Variants in SH3KBP1 observed in about 807,000 individuals in gnomAD.
SH3KBP1 encodes SH3 domain containing kinase binding protein 1, also known as SH3 domain-containing kinase-binding protein 1.
Under a neutral mutation model 50.1 loss-of-function variants are expected in SH3KBP1, and 8 were observed. That is an observed-to-expected ratio of 0.16 (90% CI 0.09 to 0.29). SH3KBP1 has a LOEUF of 0.29. Ranked by LOEUF, SH3KBP1 falls within the 10% of genes least tolerant of loss-of-function variation. The pLI is 1.00. For synonymous variants in SH3KBP1, 227 were observed against 218.6 expected (o/e 1.04, Z -0.34); for missense variants, 377 against 535.2 (o/e 0.70, Z 2.92).
At chrX:19,545,409 A>C (rs1038940431) in intron 15 of SH3KBP1, among the ~76,000 whole-genome samples, 4 of 112,440 alleles carry the variant, frequency 3.6e-5, no homozygotes, top group African/African-American at 1.3e-4. Context: ...CATGGAATAA[A>C]ATTAAAGTGT....
At chrX:19,782,478 C>T (rs190100496) in intron 2 of SH3KBP1, among the ~76,000 whole-genome samples, 1 of 111,883 alleles carries the variant, frequency 8.9e-6, no homozygotes, top group Non-Finnish European at 1.9e-5. Context: ...CCAGGAGCTC[C>T]ACTCAGATCC....
chrX:19,788,156 C>T lies in SH3KBP1; in HGVS notation c.163-41715G>A, dbSNP rs775847444. Among the ~76,000 whole-genome samples the T allele has an allele frequency of 3.2e-4, 34 of 107,572 alleles. No homozygotes were observed. In the East Asian group the frequency reaches 9.0e-3, roughly 29 times the overall value. 93.4% of individuals were successfully genotyped at this position (107,572 alleles called of 115,157 possible). On this transcript the variant is annotated intron_variant, in intron 2 of 17. Coordinates refer to ENST00000397821, the MANE Select transcript of SH3KBP1 (RefSeq NM_031892.3). The stretch of plus-strand genomic sequence containing the variant: ...CTGTGGCTCACGCCTGTAATCTCAG[C>T]GCTTTGGGAGGCCAAGGTGGGAGGA...
intron 1 of SH3KBP1, among the ~76,000 whole-genome samples, chrX:19,849,057 G>A (rs911563871): frequency 9.0e-6 from 1 of 110,513 alleles, no homozygotes; most frequent in African/African-American, 3.3e-5. Context: ...TGATCCTCTG[G>A]CATCAGTGTC....
intron 1 of SH3KBP1, among the ~76,000 whole-genome samples, chrX:19,843,106 C>T (rs2068273022): frequency 9.7e-6 from 1 of 102,571 alleles, no homozygotes; most frequent in Admixed American, 1.1e-4. Flanking sequence ...GCAACCTCCA[C>T]CTCCCAGGTT....
chrX:19,674,335 C>A (rs1056310902), intron 6 of SH3KBP1, among the ~76,000 whole-genome samples: 1 of 111,900 alleles, frequency 8.9e-6, no homozygotes, highest in African/African-American at 3.3e-5. Context: ...TTTAGCCAAT[C>A]CCTTTCCAAA....
chrX:19,632,447 A>G (rs1465033536), intron 7 of SH3KBP1, among the ~76,000 whole-genome samples: 1 of 112,890 alleles, frequency 8.9e-6, no homozygotes, highest in East Asian at 2.8e-4. Flanking sequence ...CCATTATGGT[A>G]CGTCTTAAGA....
intron 6 of SH3KBP1, among the ~76,000 whole-genome samples, chrX:19,653,554 T>C (rs1309798788): frequency 9.2e-6 from 1 of 109,068 alleles, no homozygotes. Context: ...CTACTAAAAA[T>C]ACAAAAATTA....
chrX:19,586,452 G>A (rs188658136), intron 12 of SH3KBP1, among the ~76,000 whole-genome samples: 243 of 112,348 alleles, frequency 2.2e-3, no homozygotes, highest in African/African-American at 7.3e-3. Flanking sequence ...TGTATAGCTC[G>A]TATTCTTTTC....
At chrX:19,865,639 A>T (rs927283948) in intron 1 of SH3KBP1, among the ~76,000 whole-genome samples, 32 of 112,350 alleles carry the variant, frequency 2.8e-4, no homozygotes, top group Admixed American at 2.7e-3. Flanking sequence ...CAATGCCAGA[A>T]CAGTGGGGCC....
intron 7 of SH3KBP1, among the ~76,000 whole-genome samples, chrX:19,640,118 T>G (rs1449133807): frequency 2.7e-5 from 3 of 110,714 alleles, no homozygotes; most frequent in African/African-American, 9.9e-5. Flanking sequence ...CTTGGAGTGC[T>G]CCTACTTTCT....
At chrX:19,584,702 A>G (rs1317234057) in intron 12 of SH3KBP1, among the ~76,000 whole-genome samples, 1 of 111,370 alleles carries the variant, frequency 9.0e-6, no homozygotes, top group Non-Finnish European at 1.9e-5. Flanking sequence ...TATGTACAGT[A>G]TTCCTTTTTT....
At chrX:19,870,252 G>A (rs1194618414) in intron 1 of SH3KBP1, among the ~76,000 whole-genome samples, 1 of 112,503 alleles carries the variant, frequency 8.9e-6, no homozygotes, top group African/African-American at 3.2e-5. Context: ...GACTTAGGGT[G>A]GTTGCTTCCT....
chrX:19,797,814 A>G (rs941073588), intron 2 of SH3KBP1, among the ~76,000 whole-genome samples: 1 of 109,853 alleles, frequency 9.1e-6, no homozygotes, highest in African/African-American at 3.3e-5. Context: ...GAACACTATC[A>G]TCGGTAATTA....
intron 13 of SH3KBP1, among the ~76,000 whole-genome samples, chrX:19,554,647 CCA>C (rs1479448173): frequency 9.1e-6 from 1 of 110,309 alleles, no homozygotes; most frequent in African/African-American, 3.3e-5. Context: ...GGTGATCCAC[CCA>C]CCTCGGCCTC....
intron 2 of SH3KBP1, among the ~76,000 whole-genome samples, chrX:19,760,834 GGCCA>G (rs1344709139): frequency 5.4e-5 from 6 of 110,617 alleles, no homozygotes; most frequent in Non-Finnish European, 1.1e-4. Flanking sequence ...AACAGACATG[GGCCA>G]GGGGCTAAGA....
intron 2 of SH3KBP1, among the ~76,000 whole-genome samples, chrX:19,827,781 C>CTTTTT (rs138898288): frequency 2.8e-5 from 1 of 36,224 alleles, no homozygotes; most frequent in Admixed American, 3.2e-4. Context: ...GAAGTGCAGT[C>CTTTTT]TTTTTTTTTT....
chrX:19,706,843 C>T, intron 4 of SH3KBP1, 38 bp downstream of exon 4: 1 of 1,034,143 alleles, frequency 9.7e-7, no homozygotes. Flanking sequence ...TATGACAGCC[C>T]ATTCGAGGCC....
At chrX:19,806,737 C>G (rs752863086) in intron 2 of SH3KBP1, among the ~76,000 whole-genome samples, 8 of 112,145 alleles carry the variant, frequency 7.1e-5, no homozygotes, top group Non-Finnish European at 1.1e-4. Context: ...TTTAAGCACT[C>G]ATGACAAATG....
intron 8 of SH3KBP1, among the ~76,000 whole-genome samples, chrX:19,619,767 G>A (rs768807813): frequency 4.5e-5 from 5 of 112,052 alleles, no homozygotes; most frequent in Admixed American, 9.5e-5. Context: ...GGGCGACAGA[G>A]TGAGACTTTG....
Sources: allele counts gnomAD v4.1 joint callset (sites outside exome capture counted in the v4.1 genomes callset), GRCh38; gene constraint gnomAD v4.1.1; transcripts MANE v1.5; gene names NCBI Gene and HGNC (gene_info 2026-07-23, HGNC 2026-07-21).